KIF9: variants seen among roughly 807,000 people sequenced by gnomAD.
KIF9 encodes the protein kinesin family member 9, also known as kinesin-like protein KIF9.
Under a neutral mutation model 94.8 loss-of-function variants are expected in KIF9, and 68 were observed. The ratio of observed to expected loss-of-function variants is 0.72; its 90% confidence interval spans 0.59 to 0.88. KIF9 has a LOEUF of 0.88. Among genes scored for constraint, KIF9 ranks in the 40% least tolerant of loss-of-function variants. The pLI, the probability that KIF9 is intolerant of heterozygous loss-of-function variation, is 0.00. For synonymous variants in KIF9, 343 were observed against 362.1 expected (o/e 0.95, Z 0.60); for missense variants, 882 against 982.5 (o/e 0.90, Z 1.37).
chr3:47,277,577 C>T (rs1281389304), intron 1 of KIF9, among the ~76,000 whole-genome samples, 198 bp from the exon 2 acceptor site: 2 of 152,182 alleles, frequency 1.3e-5, no homozygotes, highest in Non-Finnish European at 2.9e-5. Flanking sequence ...AATACACGCA[C>T]TTTCTGCTTC....
intron 9 of KIF9, chr3:47,263,973 A>T: frequency 4.0e-6 from 2 of 505,114 alleles, no homozygotes; most frequent in South Asian, 3.1e-5. Flanking sequence ...CTTGATCCCA[A>T]TTCCAGGAGC....
At chr3:47,240,670 G>C in intron 17 of KIF9, 131 bp downstream of exon 17, 1 of 736,688 alleles carries the variant, frequency 1.4e-6, no homozygotes, top group African/African-American at 1.7e-5. Context: ...TGACCTATGG[G>C]TGAAGGCCAC....
At chr3:47,229,195 C>T (rs1016161366) in intron 20 of KIF9, among the ~76,000 whole-genome samples, 1 of 152,348 alleles carries the variant, frequency 6.6e-6, no homozygotes, top group Middle Eastern at 3.4e-3. Flanking sequence ...AACGCTAAAA[C>T]TAGCTTGGAA....
At chr3:47,275,537 T>C in intron 2 of KIF9, 47 bp from the exon 3 acceptor site, 1 of 1,479,170 alleles carries the variant, frequency 6.8e-7, no homozygotes, top group Non-Finnish European at 9.4e-7. Context: ...TGTTCAAAAA[T>C]GGGTATAAAA....
chr3:47,269,999 A>G, intron 5 of KIF9, among the ~76,000 whole-genome samples: 1 of 151,512 alleles, frequency 6.6e-6, no homozygotes, highest in East Asian at 2.0e-4. Context: ...CAATCTCCTG[A>G]TCTTGTGATC....
intron 5 of KIF9, among the ~76,000 whole-genome samples, chr3:47,268,396 GC>G (rs1213024297): frequency 1.3e-5 from 2 of 152,128 alleles, no homozygotes; most frequent in East Asian, 1.9e-4. Flanking sequence ...GTGGGGGACA[GC>G]CCCCCCTGGG....
At chr3:47,275,282 C>A in intron 3 of KIF9, 43 bp downstream of exon 3, 1 of 1,408,790 alleles carries the variant, frequency 7.1e-7, no homozygotes, top group Non-Finnish European at 9.9e-7. Context: ...ATCTCTTACT[C>A]CTCAGGTTCT....
intron 8 of KIF9, 36 bp downstream of exon 8, chr3:47,265,694 G>T (rs1349333328): frequency 6.2e-7 from 1 of 1,607,626 alleles, no homozygotes; most frequent in Non-Finnish European, 8.5e-7. Flanking sequence ...CAAAGACACA[G>T]ACCCTCCTCC....
At chr3:47,238,840 T>A (rs952249799) in intron 17 of KIF9, among the ~76,000 whole-genome samples, 2 of 152,126 alleles carry the variant, frequency 1.3e-5, no homozygotes, top group Non-Finnish European at 2.9e-5. Flanking sequence ...TTTTTTTGTA[T>A]TTTTAGTAGA....
chr3:47,282,061 G>T, intron 1 of KIF9: 1 of 321,360 alleles, frequency 3.1e-6, no homozygotes, highest in Non-Finnish European at 4.5e-6. Context: ...CTCACCCAAT[G>T]TGCCGGACCC....
rs557574261 is a variant in KIF9 at position 47,234,711 on chromosome 3, C to T, written c.2322+802G>A. Among the ~76,000 whole-genome samples, 19 of 150,668 alleles carry T rather than the reference C, an allele frequency of 1.3e-4. No individual in the cohort carries two copies. In the South Asian group the frequency reaches 1.9e-3, roughly 15 times the overall value. ...CTGGAATTACAGACATGTGCCACCACGCCTGGCTAATTTTTTGTATTTTTA... is the reference window on the plus strand; with the variant it reads ...CTGGAATTACAGACATGTGCCACCATGCCTGGCTAATTTTTTGTATTTTTA... On this transcript the variant is annotated intron_variant, in intron 20 of 20. Coordinates refer to ENST00000684063, the MANE Select transcript of KIF9 (RefSeq NM_182902.4).
intron 12 of KIF9, 127 bp from the exon 13 acceptor site, chr3:47,246,379 G>T (rs114573602): frequency 3.6e-6 from 2 of 557,650 alleles, no homozygotes; most frequent in African/African-American, 3.8e-5. Flanking sequence ...AGAAGAGGAC[G>T]TGTGCACACA....
At chr3:47,256,535 C>G (rs1187727965) in intron 10 of KIF9, among the ~76,000 whole-genome samples, 2 of 151,530 alleles carry the variant, frequency 1.3e-5, no homozygotes, top group African/African-American at 2.4e-5. Flanking sequence ...GTCGGCCCCC[C>G]GCCCGGCCGG....
At chr3:47,267,711 G>T (rs1310467542) in intron 5 of KIF9, among the ~76,000 whole-genome samples, 1 of 152,124 alleles carries the variant, frequency 6.6e-6, no homozygotes, top group Non-Finnish European at 1.5e-5. Flanking sequence ...ATTCATAGAA[G>T]AAATAAGCAG....
At chr3:47,281,684 C>G (rs1487493865) in intron 1 of KIF9, among the ~76,000 whole-genome samples, 1 of 152,180 alleles carries the variant, frequency 6.6e-6, no homozygotes, top group Non-Finnish European at 1.5e-5. Flanking sequence ...TGGGGAATGT[C>G]TCTCCTTGGG....
Position 47,279,447 on chromosome 3 carries a change from A to T in KIF9, c.-5-2068T>A, listed in dbSNP as rs529224676. 1.4e-4 allele frequency among the ~76,000 whole-genome samples: 21 copies of T among 151,406 alleles called. No individual in the cohort carries two copies. The East Asian group carries it at 3.7e-3, about 27-fold the overall frequency. On this transcript the variant is annotated intron_variant, in intron 1 of 20. Transcript: ENST00000684063. ...AGCCAATGTCATGCCACTGCACTCC[A>T]GCCTGGGTGACAGAGCAAGCTCAGT...
chr3:47,260,117 G>A (rs895525139), intron 9 of KIF9, among the ~76,000 whole-genome samples: 75 of 129,182 alleles, frequency 5.8e-4, no homozygotes, highest in Admixed American at 1.4e-3. Flanking sequence ...ACCGCCTTAG[G>A]GCTGGAGGTG....
intron 16 of KIF9, among the ~76,000 whole-genome samples, chr3:47,241,659 A>G (rs200059013): frequency 2.5e-4 from 37 of 147,802 alleles, no homozygotes; most frequent in East Asian, 1.4e-3. Flanking sequence ...GTATATATAT[A>G]TGTGTGTGTG....
At chr3:47,262,398 T>C (rs532273123) in intron 9 of KIF9, among the ~76,000 whole-genome samples, 59 of 151,906 alleles carry the variant, frequency 3.9e-4, no homozygotes, top group African/African-American at 1.3e-3. Context: ...GCCTCCCAAG[T>C]AGCTGGGATT....
Sources: gnomAD v4.1 joint callset for allele counts (sites outside exome capture counted in the v4.1 genomes callset) on GRCh38, gnomAD v4.1.1 for gene constraint, MANE v1.5 for transcripts, NCBI Gene and HGNC (gene_info 2026-07-23, HGNC 2026-07-21) for gene names.